The following SRGAP2C variants were observed in gnomAD, a reference collection of about 807,000 sequenced individuals.
SRGAP2C encodes the protein SLIT-ROBO Rho GTPase-activating protein 2C.
In SRGAP2C, 15 loss-of-function variants were observed where a neutral mutation model predicts 25.1. The observed-to-expected ratio is 0.60, with a 90% CI of 0.40 to 0.92. SRGAP2C has a LOEUF of 0.92. Among genes scored for constraint, SRGAP2C ranks in the 40% least tolerant of loss-of-function variants. The pLI is 0.00. For missense variants in SRGAP2C, 144 were observed against 264.4 expected (o/e 0.54, Z 3.16); for synonymous variants, 44 against 96.6 (o/e 0.46, Z 3.19).
intron 3 of SRGAP2C, among the ~76,000 whole-genome samples, chr1:121,305,889 CA>C (rs1254858684): frequency 1.3e-5 from 2 of 150,826 alleles, no homozygotes; most frequent in African/African-American, 4.9e-5. Flanking sequence ...TCATATTCCT[CA>C]CTTAGCAAAG....
chr1:121,297,459 C>T (rs1216765392), intron 3 of SRGAP2C, among the ~76,000 whole-genome samples: 1 of 89,250 alleles, frequency 1.1e-5, no homozygotes, highest in African/African-American at 3.9e-5. Context: ...AAGCAAGTCA[C>T]TTTACCCCTG....
intron 4 of SRGAP2C, among the ~76,000 whole-genome samples, chr1:121,355,289 C>CGGGTAGAT (rs1171367642): frequency 7.6e-6 from 1 of 132,336 alleles, no homozygotes; most frequent in East Asian, 2.2e-4. Context: ...CTGACAACTG[C>CGGGTAGAT]GGGTAGATAC....
intron 4 of SRGAP2C, among the ~76,000 whole-genome samples, chr1:121,358,702 G>A (rs587753523): frequency 9.5e-4 from 141 of 148,344 alleles, no homozygotes; most frequent in Middle Eastern, 3.4e-3. Context: ...ATATCCATTA[G>A]TAACTTAGAA....
intron 5 of SRGAP2C, among the ~76,000 whole-genome samples, chr1:121,366,719 A>G (rs1385025037): frequency 6.6e-6 from 1 of 151,580 alleles, no homozygotes; most frequent in Non-Finnish European, 1.5e-5. Context: ...GAATTCCCTA[A>G]GATAGAAAAT....
At chr1:121,319,731 T>C (rs1658160703) in intron 3 of SRGAP2C, among the ~76,000 whole-genome samples, 1 of 125,046 alleles carries the variant, frequency 8.0e-6, no homozygotes, top group Non-Finnish European at 1.7e-5. Context: ...GACTCCAGAG[T>C]CATTCCCTCT....
chr1:121,267,570 AT>A (rs1336931297), intron 2 of SRGAP2C, among the ~76,000 whole-genome samples: 3 of 135,136 alleles, frequency 2.2e-5, no homozygotes, highest in African/African-American at 5.7e-5. Context: ...ATTGAAAAAA[AT>A]ATTATAGTGG....
At chr1:121,294,588 C>CTGTT (rs1570766742) in intron 3 of SRGAP2C, among the ~76,000 whole-genome samples, 1 of 66,080 alleles carries the variant, frequency 1.5e-5, no homozygotes. Flanking sequence ...AATGCATTGG[C>CTGTT]TGTTTTTTTT....
intron 4 of SRGAP2C, among the ~76,000 whole-genome samples, chr1:121,359,592 G>A (rs1203081686): frequency 6.6e-6 from 1 of 152,270 alleles, no homozygotes; most frequent in South Asian, 2.1e-4. Context: ...AACTCAGTGA[G>A]ATCCCATCTC....
intron 2 of SRGAP2C, among the ~76,000 whole-genome samples, chr1:121,224,132 G>A (rs1553326168): frequency 1.3e-5 from 2 of 148,540 alleles, no homozygotes; most frequent in South Asian, 4.4e-4. Context: ...TCATCTCACT[G>A]GTGAGGCTCA....
chr1:121,362,742 C>T (rs1264072567), intron 4 of SRGAP2C: 1 of 148,238 alleles, frequency 6.7e-6, no homozygotes, highest in Non-Finnish European at 1.5e-5. Context: ...GTCATGTTGC[C>T]TCACTTCACC....
rs1350810436 is a variant in SRGAP2C, at chr1:121,269,890, C to T, written c.68-14913C>T. Among the ~76,000 whole-genome samples the T allele has an allele frequency of 3.3e-5, 5 of 150,548 alleles. 1 individual carries two copies. The highest frequency in any genetic ancestry group is 7.4e-5 in the Non-Finnish European group (5 of 67,478). On this transcript the variant is annotated intron_variant, in intron 2 of 9. Coordinates refer to ENST00000367123, the MANE Select transcript of SRGAP2C (RefSeq NM_001329984.2). ...GATTGTCTGGAAGAATTAGGTAATT[C>T]GTGTTTTTAAACTTCCTTGCACTAC...
chr1:121,327,977 T>C (rs1399008154), intron 4 of SRGAP2C, among the ~76,000 whole-genome samples: 1 of 152,280 alleles, frequency 6.6e-6, no homozygotes, highest in African/African-American at 2.4e-5. Flanking sequence ...ACCACAGTTC[T>C]GTGACGATAA....
chr1:121,297,546 GTA>G, intron 3 of SRGAP2C, among the ~76,000 whole-genome samples: 1 of 147,126 alleles, frequency 6.8e-6, no homozygotes, highest in South Asian at 2.2e-4. Flanking sequence ...TATATATAAT[GTA>G]TATACAGCAC....
chr1:121,259,357 G>T (rs1553333061), intron 2 of SRGAP2C, among the ~76,000 whole-genome samples: 1 of 143,906 alleles, frequency 6.9e-6, no homozygotes, highest in South Asian at 2.2e-4. Context: ...GCGCACGCTT[G>T]TAATCCCAGC....
chr1:121,269,664 G>T (rs1272883109), intron 2 of SRGAP2C, among the ~76,000 whole-genome samples: 1 of 151,512 alleles, frequency 6.6e-6, no homozygotes, highest in Non-Finnish European at 1.5e-5. Flanking sequence ...AAAAATAACT[G>T]CATTTCTTTT....
intron 2 of SRGAP2C, among the ~76,000 whole-genome samples, chr1:121,227,695 G>GT (rs1553326781): frequency 6.8e-6 from 1 of 147,128 alleles, no homozygotes; most frequent in South Asian, 2.2e-4. Context: ...GACCTGGCAC[G>GT]TAGAAGCACA....
chr1:121,372,398 A>G (rs1249947038), intron 5 of SRGAP2C, among the ~76,000 whole-genome samples: 9 of 150,506 alleles, frequency 6.0e-5, no homozygotes, highest in Non-Finnish European at 1.3e-4. Flanking sequence ...AGATGCCAGT[A>G]GCAATCCCCA....
Position 121,354,261 on chromosome 1 carries a change from CCTTTCTT to C in SRGAP2C, c.424-11031_424-11025del, listed in dbSNP as rs1162901804. 1.3e-4 allele frequency among the ~76,000 whole-genome samples: 4 copies of C among 29,928 alleles called. 1 individual carries two copies. The highest frequency in any genetic ancestry group is 2.7e-3 in the East Asian group (1 of 374). The allele number at this position is 29,928 out of a possible 152,430, so 19.6% of individuals were successfully genotyped here. On this transcript the variant is annotated intron_variant, in intron 4 of 9. Coordinates refer to ENST00000367123, the MANE Select transcript of SRGAP2C (RefSeq NM_001329984.2). Reference sequence around the variant, plus strand: ...TAGATTCCTTTCTTTCTTTCTCTCTCCTTTCTTTCTTTCTTTCTTTCTTTCTTTCTTT... The same window carrying C: ...TAGATTCCTTTCTTTCTTTCTCTCTCTCTTTCTTTCTTTCTTTCTTTCTTT...
At chr1:121,370,402 G>C (rs1464085119) in intron 5 of SRGAP2C, among the ~76,000 whole-genome samples, 1 of 145,614 alleles carries the variant, frequency 6.9e-6, no homozygotes, top group Non-Finnish European at 1.5e-5. Context: ...ACTACAATGG[G>C]AGAGGGGATC....
Sources: allele counts gnomAD v4.1 joint callset (sites outside exome capture counted in the v4.1 genomes callset), GRCh38; gene constraint gnomAD v4.1.1; transcripts MANE v1.5; gene names NCBI Gene and HGNC (gene_info 2026-07-23, HGNC 2026-07-21).